Variants in CGNL1 observed in about 807,000 individuals in gnomAD.
CGNL1 encodes cingulin like 1.
Under a neutral mutation model 141.2 loss-of-function variants are expected in CGNL1, and 132 were observed. That is an observed-to-expected ratio of 0.93 (90% confidence interval 0.81 to 1.08). The LOEUF is 1.08. Ranked by LOEUF, CGNL1 falls within the 50% of genes least tolerant of loss-of-function variation. The pLI is 0.00. For missense variants in CGNL1, 1,870 were observed against 1,588.6 expected, an observed-to-expected ratio of 1.18 and a Z score of -3.01; for synonymous variants, 690 against 622.1, an observed-to-expected ratio of 1.11 and a Z score of -1.63.
At position 57,396,651 on chromosome 15, in the gene CGNL1, C is replaced by G. The variant is rs1489642043; in HGVS notation, c.-16+20084C>G. On this transcript the variant is annotated intron_variant, in intron 1 of 18. Coordinates refer to ENST00000281282, the MANE Select transcript of CGNL1 (RefSeq NM_032866.5). ...CATTTCTAGGTCAGCACTGCTGGGT[C>G]TTAATAGGTGTGGAGCTGTATTCTA... Among the ~76,000 whole-genome samples, 3 of 152,124 alleles carry G rather than the reference C, an allele frequency of 2.0e-5. No homozygotes were observed. The East Asian group carries it at 5.8e-4, about 29-fold the overall frequency.
chr15:57,485,074 T>A (rs185839768), intron 8 of CGNL1, among the ~76,000 whole-genome samples: 2 of 152,020 alleles, frequency 1.3e-5, no homozygotes, highest in East Asian at 3.9e-4. Flanking sequence ...CAGACTTCCT[T>A]TTTTCTAGTA....
At chr15:57,541,070 A>G (rs1384689235) in intron 14 of CGNL1, among the ~76,000 whole-genome samples, 2 of 152,178 alleles carry the variant, frequency 1.3e-5, no homozygotes, top group Non-Finnish European at 1.5e-5. Context: ...TTGTGCTTTT[A>G]TTGTATCATT....
At chr15:57,535,520 G>A (rs988305564) in intron 14 of CGNL1, among the ~76,000 whole-genome samples, 4 of 152,146 alleles carry the variant, frequency 2.6e-5, no homozygotes, top group African/African-American at 9.7e-5. Context: ...ATTGGGAATG[G>A]GATTCTAGAT....
intron 1 of CGNL1, among the ~76,000 whole-genome samples, chr15:57,391,135 G>A (rs972850299): frequency 6.6e-6 from 1 of 152,160 alleles, no homozygotes; most frequent in Non-Finnish European, 1.5e-5. Context: ...GCAGATGAGA[G>A]CCAGGCCACC....
chr15:57,520,829 C>T (rs1273020117), intron 10 of CGNL1, among the ~76,000 whole-genome samples: 2 of 152,158 alleles, frequency 1.3e-5, no homozygotes, highest in Non-Finnish European at 2.9e-5. Context: ...GCAGGGACTC[C>T]AAGAAGACCA....
At chr15:57,411,233 C>G (rs1485513827) in intron 1 of CGNL1, among the ~76,000 whole-genome samples, 1 of 152,156 alleles carries the variant, frequency 6.6e-6, no homozygotes, top group Non-Finnish European at 1.5e-5. Flanking sequence ...AGAATCATCA[C>G]AGCTGTCTAG....
intron 1 of CGNL1, among the ~76,000 whole-genome samples, chr15:57,383,345 C>G (rs1182076822): frequency 2.8e-5 from 4 of 142,238 alleles, no homozygotes; most frequent in African/African-American, 1.1e-4. Context: ...GTTGCCCAGG[C>G]TGGAGTGCAA....
chr15:57,502,759 T>C (rs2064043505), intron 8 of CGNL1, among the ~76,000 whole-genome samples: 1 of 152,222 alleles, frequency 6.6e-6, no homozygotes, highest in Non-Finnish European at 1.5e-5. Flanking sequence ...CTGTACCTTG[T>C]TCAAGTTGTA....
chr15:57,509,971 A>G (rs551302203), intron 8 of CGNL1, among the ~76,000 whole-genome samples: 1 of 152,330 alleles, frequency 6.6e-6, no homozygotes, highest in East Asian at 1.9e-4. Context: ...CAACCAAGAA[A>G]CCTGACTTAC....
At chr15:57,495,660 A>G (rs949502337) in intron 8 of CGNL1, among the ~76,000 whole-genome samples, 1 of 152,216 alleles carries the variant, frequency 6.6e-6, no homozygotes, top group Non-Finnish European at 1.5e-5. Context: ...ATATGAGAGC[A>G]CTGATGAATG....
intron 8 of CGNL1, among the ~76,000 whole-genome samples, chr15:57,506,097 T>G (rs143255843): frequency 1.3e-3 from 191 of 152,362 alleles, no homozygotes; most frequent in African/African-American, 4.4e-3. Flanking sequence ...ATGTGTGTGC[T>G]GACAGCAAGC....
intron 1 of CGNL1, among the ~76,000 whole-genome samples, chr15:57,431,646 C>T (rs1055288064): frequency 2.0e-5 from 3 of 152,206 alleles, no homozygotes; most frequent in African/African-American, 7.2e-5. Flanking sequence ...ACCTGCGGCC[C>T]GTGGGCTGCC....
At chr15:57,504,616 T>C (rs1595774345) in intron 8 of CGNL1, among the ~76,000 whole-genome samples, 1 of 151,944 alleles carries the variant, frequency 6.6e-6, no homozygotes, top group Non-Finnish European at 1.5e-5. Context: ...CATGGCAGGG[T>C]TGGAGTTGGT....
At chr15:57,440,285 C>A in intron 2 of CGNL1, 92 bp from the exon 3 acceptor site, 2 of 888,176 alleles carry the variant, frequency 2.3e-6, no homozygotes, top group Non-Finnish European at 3.6e-6. Context: ...GTAACTGGCT[C>A]TAAGAAGGAT....
intron 1 of CGNL1, among the ~76,000 whole-genome samples, chr15:57,431,384 G>A (rs541101466): frequency 6.6e-6 from 1 of 152,298 alleles, no homozygotes; most frequent in African/African-American, 2.4e-5. Context: ...TCCTACATTT[G>A]CACTACAAAA....
chr15:57,513,282 GTGTGTGTGTGTGTT>G (rs747298205), intron 8 of CGNL1, among the ~76,000 whole-genome samples: 4,503 of 110,458 alleles, frequency 0.041, 230 homozygotes, highest in African/African-American at 0.13. Flanking sequence ...GTGTGTGTGT[GTGTGTGTGTGTGTT>G]TGTGTGATTG....
intron 1 of CGNL1, among the ~76,000 whole-genome samples, chr15:57,403,745 C>T (rs1410191870): frequency 2.6e-5 from 4 of 152,168 alleles, no homozygotes; most frequent in Non-Finnish European, 4.4e-5. Flanking sequence ...ATGGAGGTGA[C>T]GTTGTGCAGA....
At chr15:57,508,854 A>G (rs754179915) in intron 8 of CGNL1, among the ~76,000 whole-genome samples, 6 of 152,240 alleles carry the variant, frequency 3.9e-5, no homozygotes, top group Non-Finnish European at 5.9e-5. Flanking sequence ...CTGAGTCAGA[A>G]TGAGCGTTTT....
chr15:57,385,811 C>T (rs1369984319), intron 1 of CGNL1, among the ~76,000 whole-genome samples: 1 of 152,202 alleles, frequency 6.6e-6, no homozygotes, highest in Admixed American at 6.5e-5. Flanking sequence ...GGTGATGGCT[C>T]CTGGCATCTA....
Sources: allele counts gnomAD v4.1 joint callset (sites outside exome capture counted in the v4.1 genomes callset), GRCh38; gene constraint gnomAD v4.1.1; transcripts MANE v1.5; gene names NCBI Gene and HGNC (gene_info 2026-07-23, HGNC 2026-07-21).